The following MFAP1 variants were observed in gnomAD, a reference collection of about 807,000 sequenced individuals.
MFAP1 encodes microfibrillar-associated protein 1.
In MFAP1, 18 loss-of-function variants were observed where a neutral mutation model predicts 62.2. The observed-to-expected ratio is 0.29, with a 90% CI of 0.20 to 0.43. The LOEUF (loss-of-function observed/expected upper bound fraction) is 0.43, where lower values mean the gene tolerates loss of function less well. Among genes scored for constraint, MFAP1 ranks in the 20% least tolerant of loss-of-function variants. The pLI is 1.00. For missense variants in MFAP1, 355 were observed against 559.7 expected (o/e 0.63, Z 3.69); for synonymous variants, 175 against 180.4 (o/e 0.97, Z 0.24).
chr15:43,809,557 A>G (rs776403046), intron 7 of MFAP1, among the ~76,000 whole-genome samples, 198 bp downstream of exon 7: 12 of 152,044 alleles, frequency 7.9e-5, no homozygotes, highest in Non-Finnish European at 1.3e-4. Context: ...AAAAGAGAGA[A>G]CAGTTGATGC....
chr15:43,810,186 C>A, intron 6 of MFAP1: 3 of 309,220 alleles, frequency 9.7e-6, no homozygotes, highest in Non-Finnish European at 1.8e-5. Context: ...TCCAACATTA[C>A]AAATTCTCTT....
rs909206520 is a variant in MFAP1, at chr15:43,809,766, C to T, written c.1036G>A (p.Ala346Thr). Residue 346 changes from alanine to threonine, a missense_variant, in exon 7 of 9, where the codon GCC (alanine) becomes ACC (threonine). This residue lies in a region of MFAP1 where 24 missense variants were observed against 57.0 expected (regional missense o/e 0.42). Coordinates refer to ENST00000267812, the MANE Select transcript of MFAP1 (RefSeq NM_005926.3). Reference protein sequence around the residue: ...KFLQKYYHRGAFFMDEDEEVY... With the variant: ...KFLQKYYHRGTFFMDEDEEVY... ...TTTTCACTTCTTACCATGAAGAAGGCACCCCGGTGATAATACTTCTGTAAG... is the reference window on the plus strand; with the variant it reads ...TTTTCACTTCTTACCATGAAGAAGGTACCCCGGTGATAATACTTCTGTAAG... The T allele has an allele frequency of 6.2e-7, 1 of 1,613,678 alleles. No homozygotes were observed.
intron 3 of MFAP1, 69 bp from the exon 4 acceptor site, chr15:43,814,757 A>G: frequency 6.5e-7 from 1 of 1,541,240 alleles, no homozygotes; most frequent in Admixed American, 1.9e-5. Context: ...CATCAAACAC[A>G]ACAAATTCAA....
At chr15:43,817,907 A>C (rs1239243447) in intron 1 of MFAP1, among the ~76,000 whole-genome samples, 2 of 152,200 alleles carry the variant, frequency 1.3e-5, no homozygotes, top group African/African-American at 4.8e-5. Context: ...AGCCTTTATA[A>C]CATACTGCCA....
intron 1 of MFAP1, among the ~76,000 whole-genome samples, chr15:43,818,001 C>T (rs2087444571): frequency 6.6e-6 from 1 of 151,248 alleles, no homozygotes; most frequent in African/African-American, 2.4e-5. Flanking sequence ...AGTATGTAAT[C>T]TCTTACAAAT....
At chr15:43,824,090 A>T (rs1167676666) in intron 1 of MFAP1, among the ~76,000 whole-genome samples, 1 of 150,312 alleles carries the variant, frequency 6.7e-6, no homozygotes, top group Non-Finnish European at 1.5e-5. Context: ...TACACTAATA[A>T]TACATAAATT....
chr15:43,823,103 C>T (rs1017243558), intron 1 of MFAP1, among the ~76,000 whole-genome samples: 1 of 151,778 alleles, frequency 6.6e-6, no homozygotes, highest in East Asian at 1.9e-4. Flanking sequence ...TCCCAAAGTG[C>T]TGGGATTACA....
rs2087413901 is a variant in MFAP1, at chr15:43,813,257, T to C, written c.718A>G (p.Thr240Ala). The change falls in exon 5 of 9, where the codon ACA becomes GCA. Residue 240 changes from threonine (T) to alanine (A), a missense_variant. Coordinates refer to ENST00000267812, the MANE Select transcript of MFAP1 (RefSeq NM_005926.3). ...KRMAEERRKY[T>A]LKIVEEETKK... ...CAACCACTCCCCAGTACCTTGAGTGTGTACTTGCGCCTTTCCTCAGCCATG... is the reference window on the plus strand; with the variant it reads ...CAACCACTCCCCAGTACCTTGAGTGCGTACTTGCGCCTTTCCTCAGCCATG... 1 of 1,613,852 alleles carries C rather than the reference T, an allele frequency of 6.2e-7. No individual in the cohort carries two copies. The highest frequency in any genetic ancestry group is 1.3e-5 in the African/African-American group (1 of 74,898).
At chr15:43,809,195 A>C (rs1223561914) in intron 7 of MFAP1, among the ~76,000 whole-genome samples, 1 of 152,062 alleles carries the variant, frequency 6.6e-6, no homozygotes, top group East Asian at 1.9e-4. Context: ...AATTTATCTA[A>C]GGCTGGGGAT....
intron 2 of MFAP1, among the ~76,000 whole-genome samples, 183 bp downstream of exon 2, chr15:43,817,046 T>G (rs1315363915): frequency 6.6e-6 from 1 of 152,220 alleles, no homozygotes; most frequent in African/African-American, 2.4e-5. Context: ...TTAGCCCCTT[T>G]GTGCTCTTAG....
intron 1 of MFAP1, among the ~76,000 whole-genome samples, chr15:43,820,473 T>C (rs1437129712): frequency 6.6e-6 from 1 of 152,246 alleles, no homozygotes; most frequent in Non-Finnish European, 1.5e-5. Flanking sequence ...TTGCAGATTA[T>C]ATGGTTGTCT....
intron 8 of MFAP1, 21 bp from the exon 9 acceptor site, chr15:43,805,297 GAGTTATACCACCAAAC>G (rs767646639): frequency 1.3e-6 from 2 of 1,596,002 alleles, no homozygotes. Context: ...GATGGATGAT[GAGTTATACCACCAAAC>G]AAACCATGCC....
At chr15:43,810,181 C>A in intron 6 of MFAP1, 6 of 314,254 alleles carry the variant, frequency 1.9e-5, no homozygotes, top group Admixed American at 9.4e-5. Flanking sequence ...GGTTTTCCAA[C>A]ATTACAAATT....
chr15:43,812,808 C>T (rs559807717), intron 6 of MFAP1, among the ~76,000 whole-genome samples, 179 bp downstream of exon 6: 3 of 152,308 alleles, frequency 2.0e-5, no homozygotes, highest in Non-Finnish European at 4.4e-5. Flanking sequence ...GTGTTTTTCT[C>T]TTCCCTGATT....
At chr15:43,809,017 A>G (rs775170123) in intron 7 of MFAP1, among the ~76,000 whole-genome samples, 6 of 152,214 alleles carry the variant, frequency 3.9e-5, no homozygotes, top group Non-Finnish European at 5.9e-5. Context: ...GAATGAAGTG[A>G]ACTAACTTTC....
At chr15:43,810,220 TA>T (rs766700260) in intron 6 of MFAP1, 16,260 of 198,210 alleles carry the variant, frequency 0.082, 23 homozygotes, top group Middle Eastern at 0.13. Context: ...TTCTTAGCTT[TA>T]AAAAAAAAAA....
intron 7 of MFAP1, among the ~76,000 whole-genome samples, chr15:43,807,726 C>G (rs2087374884): frequency 6.6e-6 from 1 of 152,172 alleles, no homozygotes; most frequent in Non-Finnish European, 1.5e-5. Context: ...TATAACATCT[C>G]TCTCGTCAGA....
At chr15:43,805,490 C>T (rs777690325) in intron 7 of MFAP1, 25 bp from the exon 8 acceptor site, 31 of 1,581,104 alleles carry the variant, frequency 2.0e-5, no homozygotes, top group Non-Finnish European at 2.4e-5. Flanking sequence ...TCTTATCAAT[C>T]TTGTGGCTTT....
At chr15:43,820,098 G>A (rs1045503407) in intron 1 of MFAP1, among the ~76,000 whole-genome samples, 4 of 152,104 alleles carry the variant, frequency 2.6e-5, no homozygotes, top group Non-Finnish European at 4.4e-5. Context: ...CAGTGAGCGA[G>A]ATAGCACCAC....
Sources: gnomAD v4.1 joint callset for allele counts (sites outside exome capture counted in the v4.1 genomes callset) on GRCh38, gnomAD v4.1.1 for gene constraint, gnomAD v4.1.1 regional missense constraint, MANE v1.5 for transcripts, NCBI Gene and HGNC (gene_info 2026-07-23, HGNC 2026-07-21) for gene names.